Variants in CSN1S1 observed in about 807,000 individuals in gnomAD.
The protein encoded by CSN1S1 is alpha-S1-casein.
CSN1S1 carries 63 observed loss-of-function variants against 49.1 expected under a neutral mutation model. That is an observed-to-expected ratio of 1.28 (90% confidence interval 1.05 to 1.58). CSN1S1 has a LOEUF of 1.58. Ranked by LOEUF, CSN1S1 falls within the 40% of genes most tolerant of loss-of-function variation. The probability of loss-of-function intolerance (pLI) is 0.00; values close to 1 mark genes in which losing one functional copy is unlikely to be tolerated. For missense variants in CSN1S1, 260 were observed against 224.7 expected (o/e 1.16, Z -1.01); for synonymous variants, 78 against 67.1 (o/e 1.16, Z -0.79).
chr4:69,931,334 T>G (rs1263898615), intron 1 of CSN1S1, among the ~76,000 whole-genome samples: 1 of 151,978 alleles, frequency 6.6e-6, no homozygotes, highest in East Asian at 1.9e-4. Context: ...TACCAAATCA[T>G]TTTTTGATAA....
In CSN1S1 at chr4:69,942,717, A is replaced by T. The variant is rs2877505; in HGVS notation, c.402+140A>T. 2,702 of 663,834 alleles carry T rather than the reference A, an allele frequency of 4.1e-3. 54 individuals are homozygous for T. The African/African-American group carries it at 0.045, about 11-fold the overall frequency. 41.1% of individuals were successfully genotyped at this position (663,834 alleles called of 1,614,324 possible). A position where few individuals can be genotyped will look rare whatever the true frequency, so the allele number is the denominator to read the frequency against. Reference sequence around the variant, plus strand: ...ACTCCCAACTTAAATCTCAGTTCTGACAACTTCTAAGCATATGACCTTGAG... The same window carrying T: ...ACTCCCAACTTAAATCTCAGTTCTGTCAACTTCTAAGCATATGACCTTGAG... On this transcript the variant is annotated intron_variant, in intron 14 of 15. Transcript: ENST00000246891.
intron 12 of CSN1S1, among the ~76,000 whole-genome samples, chr4:69,941,711 C>T (rs1722971497): frequency 6.6e-6 from 1 of 151,786 alleles, no homozygotes; most frequent in African/African-American, 2.4e-5. Context: ...AATATGGACC[C>T]TAATTGTTAC....
chr4:69,938,884 A>G (rs1253700906), intron 9 of CSN1S1, among the ~76,000 whole-genome samples: 3 of 151,720 alleles, frequency 2.0e-5, no homozygotes, highest in Admixed American at 6.6e-5. Flanking sequence ...ACAAAAATCT[A>G]TGCAAATTTT....
intron 12 of CSN1S1, 133 bp from the exon 13 acceptor site, chr4:69,941,913 T>C (rs1722980696): frequency 2.0e-6 from 1 of 491,240 alleles, no homozygotes; most frequent in African/African-American, 1.9e-5. Flanking sequence ...TCCTGAGAGA[T>C]TTTGTAGTAT....
At chr4:69,937,955 T>C (rs1722845580) in intron 9 of CSN1S1, 132 bp downstream of exon 9, 6 of 532,734 alleles carry the variant, frequency 1.1e-5, no homozygotes, top group Non-Finnish European at 1.9e-5. Context: ...TGTTAACATT[T>C]TAATTTTAAA....
chr4:69,942,304 C>G (rs925207581), intron 13 of CSN1S1, among the ~76,000 whole-genome samples: 3 of 151,944 alleles, frequency 2.0e-5, no homozygotes, highest in Non-Finnish European at 4.4e-5. Flanking sequence ...AGAGTATGAA[C>G]CTTACTAATT....
intron 5 of CSN1S1, 55 bp downstream of exon 5, chr4:69,936,004 A>C: frequency 4.4e-6 from 6 of 1,362,160 alleles, no homozygotes; most frequent in Non-Finnish European, 6.1e-6. Context: ...AGTAAGTGTT[A>C]AGATCAGGAG....
At chr4:69,944,656 A>ATTTT (rs1723093288) in intron 14 of CSN1S1, among the ~76,000 whole-genome samples, 194 bp from the exon 15 acceptor site, 2 of 152,028 alleles carry the variant, frequency 1.3e-5, no homozygotes, top group African/African-American at 4.8e-5. Flanking sequence ...GTGTCTTAAA[A>ATTTT]GAGCACCTTC....
At position 69,940,129 on chromosome 4, in the gene CSN1S1, A is replaced by T. The variant is rs1205748602; in HGVS notation, c.300+85A>T. The T allele has an allele frequency of 4.9e-5, 25 of 514,372 alleles. 1 individual carries two copies. Among genetic ancestry groups the T allele is most frequent in the South Asian group, 9.6e-5 (2 of 20,898 alleles). 31.9% of individuals were successfully genotyped at this position (514,372 alleles called of 1,614,324 possible). Reference sequence around the variant, plus strand: ...CTTACTTTCACACACACACACACACACACACACACACACACACACACGGGA... The same window carrying T: ...CTTACTTTCACACACACACACACACTCACACACACACACACACACACGGGA... On this transcript the variant is annotated intron_variant, in intron 11 of 15. Coordinates refer to ENST00000246891, the MANE Select transcript of CSN1S1 (RefSeq NM_001890.2).
chr4:69,940,027 T>A lies in CSN1S1; in HGVS notation c.283T>A (p.Ser95Thr). 1 of 1,403,396 alleles carries A rather than the reference T, an allele frequency of 7.1e-7. No homozygotes were observed. Among genetic ancestry groups the A allele is most frequent in the Non-Finnish European group, 9.6e-7 (1 of 1,039,470 alleles). The allele number at this position is 1,403,396 out of a possible 1,614,324, so 86.9% of individuals were successfully genotyped here. Residue 95 changes from serine (S) to threonine (T), a missense_variant, in exon 11 of 16, where the codon TCT (serine) becomes ACT (threonine). Coordinates refer to ENST00000246891, the MANE Select transcript of CSN1S1 (RefSeq NM_001890.2). Reference protein sequence around the residue: ...SSISSSSEEMSLSKCAEQFCR... With the variant: ...SSISSSSEEMTLSKCAEQFCR... ...TGTTTTAATTTTTTTAAAGGAAATGTCTCTCAGTAAGTGTGCGGTAAGACA... is the reference window on the plus strand; with the variant it reads ...TGTTTTAATTTTTTTAAAGGAAATGACTCTCAGTAAGTGTGCGGTAAGACA...
rs1053876195 is a variant in CSN1S1, at chr4:69,946,247, T to C, written c.*51T>C. On this transcript the variant is annotated 3_prime_UTR_variant, in exon 16 of 16. Transcript: ENST00000246891. ...ATTTCTCCTCTCAAGGAAAACCATC[T>C]TATCTGAAGACTGGACTGTTGTTTT... 2.0e-6 allele frequency: 1 copy of C among 493,270 alleles called. No individual in the cohort carries two copies. The highest frequency in any genetic ancestry group is 3.7e-6 in the Non-Finnish European group (1 of 266,892). 30.6% of individuals were successfully genotyped at this position (493,270 alleles called of 1,614,324 possible). A position where few individuals can be genotyped will look rare whatever the true frequency, so the allele number is the denominator to read the frequency against.
intron 9 of CSN1S1, 81 bp downstream of exon 9, chr4:69,937,904 G>C (rs1467161715): frequency 7.3e-6 from 7 of 958,604 alleles, no homozygotes; most frequent in Admixed American, 3.0e-5. Context: ...TAAAAAGACT[G>C]TCTTCTGAAA....
At chr4:69,932,300 T>C (rs1053259269) in intron 1 of CSN1S1, among the ~76,000 whole-genome samples, 2 of 151,824 alleles carry the variant, frequency 1.3e-5, no homozygotes, top group Non-Finnish European at 2.9e-5. Flanking sequence ...TGAAGAAAAA[T>C]GTTTGTAAGA....
intron 5 of CSN1S1, 141 bp downstream of exon 5, chr4:69,936,090 A>G: frequency 5.8e-6 from 4 of 685,264 alleles, no homozygotes; most frequent in Middle Eastern, 2.6e-4. Context: ...AAATATTGTT[A>G]AATGCACATT....
At position 69,935,913 on chromosome 4, in the gene CSN1S1, T is replaced by C. The variant is rs1326033891; in HGVS notation, c.106-13T>C. 2.3e-5 allele frequency: 34 copies of C among 1,492,600 alleles called. No individual in the cohort carries two copies. The highest frequency in any genetic ancestry group is 2.9e-5 in the Non-Finnish European group (32 of 1,099,938). The allele number at this position is 1,492,600 out of a possible 1,614,324, so 92.5% of individuals were successfully genotyped here. A position where few individuals can be genotyped will look rare whatever the true frequency, so the allele number is the denominator to read the frequency against. ...ACTATGAATGAATTTTAACATAACT[T>C]TTTTTTTTGTAGCCTATACCATTAG... On this transcript the variant is annotated splice_polypyrimidine_tract_variant and intron_variant, in intron 4 of 15. Coordinates refer to ENST00000246891, the MANE Select transcript of CSN1S1 (RefSeq NM_001890.2).
chr4:69,939,933 A>T, intron 10 of CSN1S1, 88 bp from the exon 11 acceptor site: 1 of 756,238 alleles, frequency 1.3e-6, no homozygotes, highest in Non-Finnish European at 2.1e-6. Flanking sequence ...GCAATTATTT[A>T]GTAATAGTTT....
intron 14 of CSN1S1, among the ~76,000 whole-genome samples, chr4:69,943,110 T>C (rs1210859587): frequency 1.3e-5 from 2 of 150,986 alleles, no homozygotes; most frequent in East Asian, 3.9e-4. Flanking sequence ...TAAAGGCAAG[T>C]ATTCTCTTCA....
At chr4:69,934,731 G>A (rs186152407) in intron 4 of CSN1S1, 21 bp downstream of exon 4, 224 of 1,603,840 alleles carry the variant, frequency 1.4e-4, no homozygotes, top group East Asian at 5.4e-4. Flanking sequence ...TTTATGGGGA[G>A]TCAGGATTCT....
intron 10 of CSN1S1, among the ~76,000 whole-genome samples, chr4:69,939,523 C>A (rs1455017582): frequency 1.3e-5 from 2 of 151,712 alleles, no homozygotes; most frequent in African/African-American, 4.8e-5. Flanking sequence ...AAAATTCTAA[C>A]AATTACCATG....
Sources: gnomAD v4.1 joint callset for allele counts (sites outside exome capture counted in the v4.1 genomes callset) on GRCh38, gnomAD v4.1.1 for gene constraint, MANE v1.5 for transcripts, NCBI Gene and HGNC (gene_info 2026-07-23, HGNC 2026-07-21) for gene names.